Variants in ANO4 observed in about 807,000 individuals in gnomAD.
ANO4 encodes anoctamin 4, also known as anoctamin-4.
A neutral mutation model predicts 141.9 loss-of-function variants in ANO4; 69 were observed. The ratio of observed to expected loss-of-function variants is 0.49; its 90% CI spans 0.40 to 0.59. ANO4 has a LOEUF of 0.59. Ranked by LOEUF, ANO4 falls within the 20% of genes least tolerant of loss-of-function variation. ANO4 has a pLI of 0.00. For missense variants in ANO4, 894 were observed against 1,162.2 expected, an observed-to-expected ratio of 0.77 and a Z score of 3.36; for synonymous variants, 350 against 394.3, an observed-to-expected ratio of 0.89 and a Z score of 1.33.
chr12:100,773,409 A>G (rs2033377921), intron 3 of ANO4, among the ~76,000 whole-genome samples: 1 of 152,236 alleles, frequency 6.6e-6, no homozygotes, highest in African/African-American at 2.4e-5. Flanking sequence ...TGGTCATTGC[A>G]CAAGAATATT....
intron 14 of ANO4, among the ~76,000 whole-genome samples, chr12:101,071,964 G>A (rs2048830070): frequency 6.6e-6 from 1 of 152,174 alleles, no homozygotes; most frequent in African/African-American, 2.4e-5. Flanking sequence ...TTAGTAACGT[G>A]ATGAATTATA....
intron 1 of ANO4, among the ~76,000 whole-genome samples, chr12:100,817,889 A>C (rs1441821513): frequency 6.6e-6 from 1 of 151,850 alleles, no homozygotes; most frequent in African/African-American, 2.4e-5. Context: ...TAATTCATTA[A>C]TTTTTTTGTT....
chr12:100,749,260 T>C (rs752890083), intron 3 of ANO4, among the ~76,000 whole-genome samples: 76 of 152,324 alleles, frequency 5.0e-4, no homozygotes, highest in Admixed American at 1.4e-3. Flanking sequence ...TGGTCTTCCA[T>C]GGTGCATTCC....
At chr12:100,888,696 A>G (rs1255079354) in intron 1 of ANO4, among the ~76,000 whole-genome samples, 1 of 152,196 alleles carries the variant, frequency 6.6e-6, no homozygotes, top group East Asian at 1.9e-4. Context: ...CAGGTGGAGA[A>G]TGGATTTGAA....
At chr12:101,050,729 T>G (rs892059090) in intron 14 of ANO4, among the ~76,000 whole-genome samples, 1 of 152,162 alleles carries the variant, frequency 6.6e-6, no homozygotes, top group Non-Finnish European at 1.5e-5. Context: ...ATAGCACACA[T>G]AAAAATGAAA....
intron 8 of ANO4, among the ~76,000 whole-genome samples, chr12:100,997,203 G>A (rs1213777138): frequency 3.3e-5 from 5 of 151,786 alleles, no homozygotes; most frequent in South Asian, 2.1e-4. Flanking sequence ...GCGTGGTTGC[G>A]CGTGCCTTTA....
intron 3 of ANO4, among the ~76,000 whole-genome samples, chr12:100,783,961 G>A (rs2033785356): frequency 6.9e-6 from 1 of 144,362 alleles, no homozygotes; most frequent in South Asian, 2.3e-4. Context: ...CCTAATTTGT[G>A]GAGGCCATGG....
At position 101,104,593 on chromosome 12, in the gene ANO4, A is replaced by ATG. The variant is rs745870723; in HGVS notation, c.2149+4895_2149+4896dup. Reference sequence around the variant, plus strand: ...ATTTCAGGCTTTTGATAATATATATATGTGTGTGTGTGTGTGTGTGTGTAT... The same window carrying ATG: ...ATTTCAGGCTTTTGATAATATATATATGTGTGTGTGTGTGTGTGTGTGTGTAT... On this transcript the variant is annotated intron_variant, in intron 22 of 27. Coordinates refer to ENST00000392977, the MANE Select transcript of ANO4 (RefSeq NM_001286615.2). Among the ~76,000 whole-genome samples, 706 of 94,690 alleles carry ATG rather than the reference A, an allele frequency of 7.5e-3. 7 individuals carry two copies. The highest frequency in any genetic ancestry group is 0.029 in the South Asian group (81 of 2,764). 62.1% of individuals were successfully genotyped at this position (94,690 alleles called of 152,430 possible).
At chr12:101,105,081 C>G (rs2050388309) in intron 22 of ANO4, among the ~76,000 whole-genome samples, 1 of 152,102 alleles carries the variant, frequency 6.6e-6, no homozygotes, top group African/African-American at 2.4e-5. Context: ...ACCTTAAAAC[C>G]TTTCAAAGGG....
At chr12:101,108,506 G>A (rs758573358) in intron 22 of ANO4, among the ~76,000 whole-genome samples, 84 of 152,276 alleles carry the variant, frequency 5.5e-4, no homozygotes, top group Middle Eastern at 3.4e-3. Flanking sequence ...ACCTAAGGTT[G>A]TCATGAAAAT....
chr12:100,898,937 G>A (rs2040464297), intron 1 of ANO4, among the ~76,000 whole-genome samples: 1 of 152,188 alleles, frequency 6.6e-6, no homozygotes, highest in Non-Finnish European at 1.5e-5. Context: ...GTCTACAGAT[G>A]GTTCAGTTTG....
chr12:100,826,610 TG>T (rs11357323), intron 1 of ANO4, among the ~76,000 whole-genome samples: 120,363 of 151,912 alleles, frequency 0.79, 47,859 homozygotes, highest in Admixed American at 0.86. Context: ...CCAACCGCAA[TG>T]GCCCTGTTCC....
intron 14 of ANO4, among the ~76,000 whole-genome samples, chr12:101,058,449 G>T (rs1236843895): frequency 2.6e-5 from 4 of 152,104 alleles, no homozygotes; most frequent in Non-Finnish European, 5.9e-5. Flanking sequence ...AAATTACTTG[G>T]GGAAGTATGG....
chr12:101,102,520 A>T (rs2050231460), intron 22 of ANO4, among the ~76,000 whole-genome samples: 2 of 152,124 alleles, frequency 1.3e-5, no homozygotes, highest in Non-Finnish European at 2.9e-5. Context: ...TTGTGAATTT[A>T]TATTCAAGCC....
intron 1 of ANO4, among the ~76,000 whole-genome samples, chr12:100,824,422 G>GAACA (rs545541244): frequency 2.6e-5 from 4 of 151,726 alleles, no homozygotes; most frequent in Non-Finnish European, 4.4e-5. Context: ...TGCAAATTAA[G>GAACA]AACAAACAAA....
At chr12:101,039,107 A>T (rs1187346101) in intron 10 of ANO4, 2 of 152,176 alleles carry the variant, frequency 1.3e-5, no homozygotes, top group Admixed American at 1.3e-4. Context: ...AATTACAAGA[A>T]TTCTGAAGTG....
At chr12:100,875,017 G>T (rs1193261180) in intron 1 of ANO4, among the ~76,000 whole-genome samples, 1 of 152,116 alleles carries the variant, frequency 6.6e-6, no homozygotes, top group Non-Finnish European at 1.5e-5. Context: ...TGAGACTTTG[G>T]ACCATGGAGT....
At chr12:100,839,727 TG>T (rs2037137663) in intron 1 of ANO4, among the ~76,000 whole-genome samples, 1 of 152,166 alleles carries the variant, frequency 6.6e-6, no homozygotes, top group South Asian at 2.1e-4. Flanking sequence ...TTATTTCATT[TG>T]TGAAGGCTGA....
intron 1 of ANO4, among the ~76,000 whole-genome samples, chr12:100,887,256 C>T (rs1241113504): frequency 4.6e-5 from 7 of 152,170 alleles, no homozygotes. Context: ...GCCATTTAAG[C>T]AGCTCACTTG....
Sources: allele counts gnomAD v4.1 joint callset (sites outside exome capture counted in the v4.1 genomes callset), GRCh38; gene constraint gnomAD v4.1.1; transcripts MANE v1.5; gene names NCBI Gene and HGNC (gene_info 2026-07-23, HGNC 2026-07-21).